Variants in SNX10 observed in about 807,000 individuals in gnomAD.
SNX10 encodes the protein sorting nexin-10.
In SNX10, 25 loss-of-function variants were observed where a neutral mutation model predicts 28.5. The ratio of observed to expected loss-of-function variants is 0.88; its 90% CI spans 0.64 to 1.22. The LOEUF (loss-of-function observed/expected upper bound fraction) is 1.22, where lower values mean the gene tolerates loss of function less well. Ranked by LOEUF, SNX10 falls within the 50% of genes most tolerant of loss-of-function variation. SNX10 has a pLI of 0.00. For synonymous variants in SNX10, 62 were observed against 81.4 expected (o/e 0.76, Z 1.28); for missense variants, 223 against 242.6 (o/e 0.92, Z 0.54).
rs1683022858 is a variant in SNX10 at position 26,333,802 on chromosome 7, C to G, written c.-23-12618C>G. Reference sequence around the variant, plus strand: ...GGAGGTTGTGTTCTCAGGTTTTTCACAATCCTTGGGTAAGGCATCGAGGAA... The same window carrying G: ...GGAGGTTGTGTTCTCAGGTTTTTCAGAATCCTTGGGTAAGGCATCGAGGAA... On this transcript the variant is annotated intron_variant, in intron 1 of 6. Coordinates refer to ENST00000338523, the MANE Select transcript of SNX10 (RefSeq NM_013322.3). Among the ~76,000 whole-genome samples, 9 of 152,212 alleles carry G rather than the reference C, an allele frequency of 5.9e-5. No homozygotes were observed. The South Asian group carries it at 1.7e-3, about 28-fold the overall frequency.
chr7:26,321,950 C>G (rs1045912372), intron 1 of SNX10, among the ~76,000 whole-genome samples: 1 of 152,114 alleles, frequency 6.6e-6, no homozygotes, highest in African/African-American at 2.4e-5. Context: ...ACATATTAGG[C>G]CACAGCTTAC....
chr7:26,355,386 G>C (rs925847750), intron 2 of SNX10, among the ~76,000 whole-genome samples: 2 of 152,198 alleles, frequency 1.3e-5, no homozygotes, highest in African/African-American at 4.8e-5. Flanking sequence ...TATAGGAATT[G>C]TGTTAAACCT....
Position 26,310,963 on chromosome 7 carries a change from G to T in SNX10, c.-24+18877G>T, listed in dbSNP as rs181128464. On this transcript the variant is annotated intron_variant, in intron 1 of 6. Transcript: ENST00000338523. ...CTCCCAAAGTGCTGGGATTACAGGC[G>T]TGAGCCACCGTGCCTGGCCAAGCTG... Among the ~76,000 whole-genome samples the T allele has an allele frequency of 3.2e-3, 489 of 151,736 alleles. 2 individuals carry two copies. Among genetic ancestry groups the T allele is most frequent in the African/African-American group, 0.012 (476 of 41,266 alleles).
At chr7:26,336,392 T>G (rs765650559) in intron 1 of SNX10, among the ~76,000 whole-genome samples, 71 of 151,956 alleles carry the variant, frequency 4.7e-4, no homozygotes, top group Non-Finnish European at 9.0e-4. Context: ...AAAAAGTGCT[T>G]TTAAAAAATC....
chr7:26,294,977 A>G (rs530410205), intron 1 of SNX10, among the ~76,000 whole-genome samples: 1 of 152,310 alleles, frequency 6.6e-6, no homozygotes, highest in South Asian at 2.1e-4. Context: ...GGCAACTCCT[A>G]TTGATACTTA....
chr7:26,303,432 G>A (rs1786455273), intron 1 of SNX10, among the ~76,000 whole-genome samples: 1 of 152,168 alleles, frequency 6.6e-6, no homozygotes. Context: ...TGGCCTGCCT[G>A]GCCCTGCCTG....
intron 2 of SNX10, among the ~76,000 whole-genome samples, chr7:26,347,034 C>T (rs1421876140): frequency 6.6e-6 from 1 of 152,214 alleles, no homozygotes; most frequent in Non-Finnish European, 1.5e-5. Context: ...CATTGCCCTG[C>T]CTGCTGTGGT....
intron 2 of SNX10, among the ~76,000 whole-genome samples, chr7:26,348,362 A>G (rs1356574563): frequency 2.0e-5 from 3 of 152,234 alleles, no homozygotes; most frequent in South Asian, 2.1e-4. Flanking sequence ...TTCAACACCA[A>G]TTGCAAGCTT....
At chr7:26,312,503 G>T (rs969259566) in intron 1 of SNX10, among the ~76,000 whole-genome samples, 2 of 152,008 alleles carry the variant, frequency 1.3e-5, no homozygotes, top group African/African-American at 2.4e-5. Flanking sequence ...GAAAATAGTG[G>T]TGCCGGGCAT....
chr7:26,333,322 C>CTTTTTTTT (rs10636369), intron 1 of SNX10, among the ~76,000 whole-genome samples: 1 of 113,678 alleles, frequency 8.8e-6, no homozygotes, highest in Non-Finnish European at 1.8e-5. Flanking sequence ...GTATTTTATT[C>CTTTTTTTT]TTTTTTTTTT....
At chr7:26,321,571 G>T (rs1042143466) in intron 1 of SNX10, among the ~76,000 whole-genome samples, 1 of 152,142 alleles carries the variant, frequency 6.6e-6, no homozygotes, top group South Asian at 2.1e-4. Context: ...CCTTGGCCAC[G>T]TGTTCCTTTC....
intron 5 of SNX10, 26 bp from the exon 6 acceptor site, chr7:26,371,795 T>G (rs773660496): frequency 1.3e-6 from 2 of 1,526,878 alleles, no homozygotes; most frequent in Admixed American, 3.6e-5. Flanking sequence ...GTTCACCAAT[T>G]ATTTTTCCTT....
At chr7:26,354,165 C>G (rs987884128) in intron 2 of SNX10, 1 of 152,122 alleles carries the variant, frequency 6.6e-6, no homozygotes, top group Non-Finnish European at 1.5e-5. Context: ...TAGTGATAAT[C>G]CCCCTGGAAA....
chr7:26,328,729 G>A (rs985850184), intron 1 of SNX10, among the ~76,000 whole-genome samples: 3 of 152,176 alleles, frequency 2.0e-5, no homozygotes, highest in Non-Finnish European at 2.9e-5. Context: ...TGGGTAGGCA[G>A]TACAGAAGTG....
At chr7:26,313,615 TG>T (rs1484898069) in intron 1 of SNX10, among the ~76,000 whole-genome samples, 1 of 152,152 alleles carries the variant, frequency 6.6e-6, no homozygotes, top group East Asian at 1.9e-4. Flanking sequence ...CAAATGAGTG[TG>T]GCTAAAGTCT....
At chr7:26,330,155 A>G (rs1787679143) in intron 1 of SNX10, among the ~76,000 whole-genome samples, 1 of 152,134 alleles carries the variant, frequency 6.6e-6, no homozygotes. Flanking sequence ...GAGGTAGGCT[A>G]AGGCAAGAGC....
intron 2 of SNX10, among the ~76,000 whole-genome samples, chr7:26,355,923 G>T (rs921665736): frequency 1.3e-5 from 2 of 152,202 alleles, no homozygotes; most frequent in Non-Finnish European, 2.9e-5. Context: ...AGTAGGATGA[G>T]AATATACTGA....
In SNX10 at chr7:26,363,045, G is replaced by A. The variant is rs574252290; in HGVS notation, c.112-1490G>A. Among the ~76,000 whole-genome samples, 24 of 152,254 alleles carry A rather than the reference G, an allele frequency of 1.6e-4. No homozygotes were observed. In the South Asian group the frequency reaches 1.7e-3, roughly 11 times the overall value. On this transcript the variant is annotated intron_variant, in intron 3 of 6. Transcript: ENST00000338523. ...TGGGATTCTTTAGGGAGAGGGTACCGGGAAGATAACCTGCTCAAGCCTTGT... is the reference window on the plus strand; with the variant it reads ...TGGGATTCTTTAGGGAGAGGGTACCAGGAAGATAACCTGCTCAAGCCTTGT...
At chr7:26,350,734 G>A (rs1788565057) in intron 2 of SNX10, among the ~76,000 whole-genome samples, 1 of 120,118 alleles carries the variant, frequency 8.3e-6, no homozygotes, top group Non-Finnish European at 1.6e-5. Flanking sequence ...GTTATTAAGT[G>A]TTCCTGTTTG....
Sources: gnomAD v4.1 joint callset for allele counts (sites outside exome capture counted in the v4.1 genomes callset) on GRCh38, gnomAD v4.1.1 for gene constraint, MANE v1.5 for transcripts, NCBI Gene and HGNC (gene_info 2026-07-23, HGNC 2026-07-21) for gene names.